The following CBFA2T3 variants were observed in gnomAD, a reference collection of about 807,000 sequenced individuals.
The protein encoded by CBFA2T3 is CBFA2/RUNX1 partner transcriptional co-repressor 3.
In CBFA2T3, 31 loss-of-function variants were observed where a neutral mutation model predicts 58.6. That is an observed-to-expected ratio of 0.53 (90% CI 0.40 to 0.71). The LOEUF (loss-of-function observed/expected upper bound fraction) is 0.71, where lower values mean the gene tolerates loss of function less well. CBFA2T3 is among the 30% of genes least tolerant of loss of function. The pLI, the probability that CBFA2T3 is intolerant of heterozygous loss-of-function variation, is 0.00. For synonymous variants in CBFA2T3, 531 were observed against 421.9 expected, an observed-to-expected ratio of 1.26 and a Z score of -3.17; for missense variants, 1,076 against 963.1, an observed-to-expected ratio of 1.12 and a Z score of -1.55.
At chr16:88,935,389 G>A (rs1010134291) in intron 1 of CBFA2T3, among the ~76,000 whole-genome samples, 5 of 152,234 alleles carry the variant, frequency 3.3e-5, no homozygotes, top group East Asian at 3.8e-4. Flanking sequence ...CCCTGGTGGT[G>A]CAGAAATACC....
chr16:88,914,865 A>C (rs1970640669), intron 1 of CBFA2T3, among the ~76,000 whole-genome samples: 1 of 152,206 alleles, frequency 6.6e-6, no homozygotes, highest in Non-Finnish European at 1.5e-5. Flanking sequence ...GTGGCCGCAC[A>C]CAAAGGAAGC....
Position 88,976,814 on chromosome 16 carries a change from G to A in CBFA2T3, c.-7C>T. 1 of 1,547,996 alleles carries A rather than the reference G, an allele frequency of 6.5e-7. No homozygotes were observed. Among genetic ancestry groups the A allele is most frequent in the Non-Finnish European group, 8.7e-7 (1 of 1,143,674 alleles). ...TCAGTCTTGAAGCCGGCATGAGGAG[G>A]GCCACCCTCAGGGGCCAACCTGGAG... On this transcript the variant is annotated 5_prime_UTR_variant, in exon 1 of 12. Coordinates refer to ENST00000268679, the MANE Select transcript of CBFA2T3 (RefSeq NM_005187.6).
chr16:88,938,543 AC>A lies in CBFA2T3; in HGVS notation c.152-36888del, dbSNP rs529017853. On this transcript the variant is annotated intron_variant, in intron 1 of 11. Coordinates refer to ENST00000268679, the MANE Select transcript of CBFA2T3 (RefSeq NM_005187.6). ...CCCCAGCGCTGTTGTAGGCTCTAAG[AC>A]CCACCCAGGAAGGCTCCACGACCCT... The A allele has an allele frequency of 6.6e-4, 100 of 152,260 alleles. 1 individual carries two copies. Among genetic ancestry groups the A allele is most frequent in the African/African-American group, 2.3e-3 (97 of 41,502 alleles). The allele number at this position is 152,260 out of a possible 1,614,324, so 9.4% of individuals were successfully genotyped here.
At position 88,976,919 on chromosome 16, in the gene CBFA2T3, G is replaced by C; in HGVS notation, c.-112C>G. 1 of 1,350,366 alleles carries C rather than the reference G, an allele frequency of 7.4e-7. No homozygotes were observed. The highest frequency in any genetic ancestry group is 1.0e-6 in the Non-Finnish European group (1 of 1,003,696). The allele number at this position is 1,350,366 out of a possible 1,614,324, so 83.6% of individuals were successfully genotyped here. ...GAAAGAGGAGGGGCTGGGCCAGCTGGGGCGTCCTGGAGTTGGGCCTCTGTC... is the reference window on the plus strand; with the variant it reads ...GAAAGAGGAGGGGCTGGGCCAGCTGCGGCGTCCTGGAGTTGGGCCTCTGTC... On this transcript the variant is annotated 5_prime_UTR_variant, in exon 1 of 12. Coordinates refer to ENST00000268679, the MANE Select transcript of CBFA2T3 (RefSeq NM_005187.6).
intron 1 of CBFA2T3, among the ~76,000 whole-genome samples, chr16:88,943,844 C>G (rs531487932): frequency 2.0e-5 from 3 of 152,292 alleles, no homozygotes; most frequent in Admixed American, 6.5e-5. Flanking sequence ...ACTACCAGCC[C>G]TATGTGAAAG....
At chr16:88,902,610 C>G (rs945812304) in intron 1 of CBFA2T3, 1 of 152,222 alleles carries the variant, frequency 6.6e-6, no homozygotes, top group Non-Finnish European at 1.5e-5. Context: ...CAGACGTGCC[C>G]GAGACACCAG....
intron 1 of CBFA2T3, chr16:88,937,944 C>G (rs499706): frequency 0.4 from 60,002 of 151,834 alleles, 12,295 homozygotes; most frequent in Middle Eastern, 0.53. Context: ...TCTATGAACA[C>G]TGGATGCCAT....
rs556557669 is a variant in CBFA2T3 at position 88,913,346 on chromosome 16, C to G, written c.152-11690G>C. On this transcript the variant is annotated intron_variant, in intron 1 of 11. Transcript: ENST00000268679. ...CAGCCACGCCCAGAAGAACCACCCC[C>G]CTGAGCTTGCCAAAACTGCCAACCT... 1.3e-4 allele frequency among the ~76,000 whole-genome samples: 20 copies of G among 152,386 alleles called. 1 individual carries two copies. The highest frequency in any genetic ancestry group is 1.0e-3 in the South Asian group (5 of 4,828).
chr16:88,917,766 T>C (rs1021723748), intron 1 of CBFA2T3, among the ~76,000 whole-genome samples: 6 of 152,162 alleles, frequency 3.9e-5, no homozygotes, highest in African/African-American at 1.4e-4. Flanking sequence ...AGCAGTGTCA[T>C]AAGTGTGACA....
rs376300984 is a variant in CBFA2T3 at position 88,881,531 on chromosome 16, G to T, written c.1204-42C>A. On this transcript the variant is annotated intron_variant, in intron 8 of 11. Transcript: ENST00000268679. The stretch of plus-strand genomic sequence containing the variant: ...CAGCCTTCAGCACCTCAGAGGGACC[G>T]GGACGCACCAGACACTCCCCCAGCC... 4.7e-5 allele frequency: 74 copies of T among 1,567,090 alleles called. No individual in the cohort carries two copies. In the Admixed American group the frequency reaches 8.3e-4, roughly 18 times the overall value.
chr16:88,905,784 C>T (rs1970303013), intron 1 of CBFA2T3, among the ~76,000 whole-genome samples: 1 of 144,752 alleles, frequency 6.9e-6, no homozygotes, highest in African/African-American at 2.6e-5. Context: ...GGGGGCGGGG[C>T]TGAGAGCTAG....
chr16:88,894,083 C>T (rs60233050), intron 3 of CBFA2T3, among the ~76,000 whole-genome samples: 1,546 of 152,248 alleles, frequency 0.01, 25 homozygotes, highest in African/African-American at 0.035. Context: ...CAAAGGGTAC[C>T]AACTCCCCTG....
Position 88,905,055 on chromosome 16 carries a change from G to T in CBFA2T3, c.152-3399C>A, listed in dbSNP as rs184135044. Among the ~76,000 whole-genome samples the T allele has an allele frequency of 3.6e-3, 551 of 152,224 alleles. 1 individual carries two copies. Among genetic ancestry groups the T allele is most frequent in the African/African-American group, 0.013 (528 of 41,518 alleles). On this transcript the variant is annotated intron_variant, in intron 1 of 11. Coordinates refer to ENST00000268679, the MANE Select transcript of CBFA2T3 (RefSeq NM_005187.6). ...AGAAGATGAGGGGTGAGTGTGGAAA[G>T]GTAGAGGAACAGCATTTGTGGCCAA... is the stretch of plus-strand genomic sequence containing the variant.
intron 1 of CBFA2T3, among the ~76,000 whole-genome samples, chr16:88,919,897 A>C (rs904911457): frequency 4.6e-5 from 7 of 152,226 alleles, no homozygotes; most frequent in Admixed American, 1.3e-4. Context: ...GGCCAATGAT[A>C]GCGTCTCCCT....
rs554368665 is a variant in CBFA2T3 at position 88,977,028 on chromosome 16, G to A, written c.-221C>T. 1.9e-5 allele frequency: 9 copies of A among 485,346 alleles called. No individual in the cohort carries two copies. The highest frequency in any genetic ancestry group is 7.4e-5 in the South Asian group (2 of 27,100). The allele number at this position is 485,346 out of a possible 1,614,324, so 30.1% of individuals were successfully genotyped here. Reference sequence around the variant, plus strand: ...GTGGGAGCCCTGGGGCTCATGTGACGCGGGGCGGGCCTGGGGCTGCAGGCT... The same window carrying A: ...GTGGGAGCCCTGGGGCTCATGTGACACGGGGCGGGCCTGGGGCTGCAGGCT... On this transcript the variant is annotated 5_prime_UTR_variant, in exon 1 of 12. Coordinates refer to ENST00000268679, the MANE Select transcript of CBFA2T3 (RefSeq NM_005187.6).
chr16:88,915,707 G>A (rs1970693152), intron 1 of CBFA2T3, among the ~76,000 whole-genome samples: 2 of 109,530 alleles, frequency 1.8e-5, no homozygotes, highest in Admixed American at 1.8e-4. Flanking sequence ...GCGTGGACGG[G>A]GGGAGCGTGG....
chr16:88,899,219 G>A (rs1027002382), intron 2 of CBFA2T3, among the ~76,000 whole-genome samples: 1 of 152,170 alleles, frequency 6.6e-6, no homozygotes, highest in Admixed American at 6.5e-5. Context: ...CCGGGGAGGA[G>A]CCTCCCGGCA....
intron 1 of CBFA2T3, chr16:88,938,185 G>A (rs1010679541): frequency 6.6e-6 from 1 of 152,280 alleles, no homozygotes; most frequent in African/African-American, 2.4e-5. Flanking sequence ...CCTGTATCCA[G>A]GTGAGGGCTT....
At chr16:88,918,453 T>C (rs1970809986) in intron 1 of CBFA2T3, among the ~76,000 whole-genome samples, 1 of 152,170 alleles carries the variant, frequency 6.6e-6, no homozygotes, top group Non-Finnish European at 1.5e-5. Flanking sequence ...CCCACAGCCG[T>C]GGGGAGGCCT....
Sources: allele counts gnomAD v4.1 joint callset (sites outside exome capture counted in the v4.1 genomes callset), GRCh38; gene constraint gnomAD v4.1.1; transcripts MANE v1.5; gene names NCBI Gene and HGNC (gene_info 2026-07-23, HGNC 2026-07-21).